The following KCNAB1 variants were observed in gnomAD, a reference collection of about 807,000 sequenced individuals.
KCNAB1 encodes the protein voltage-gated potassium channel subunit beta-1.
A neutral mutation model predicts 64.6 loss-of-function variants in KCNAB1; 35 were observed. The observed-to-expected ratio is 0.54, with a 90% confidence interval of 0.41 to 0.72. The LOEUF (loss-of-function observed/expected upper bound fraction) is 0.72. Among genes scored for constraint, KCNAB1 ranks in the 30% least tolerant of loss-of-function variants. KCNAB1 has a pLI of 0.00. For missense variants in KCNAB1, 401 were observed against 512.9 expected (o/e 0.78, Z 2.11); for synonymous variants, 177 against 183.8 (o/e 0.96, Z 0.30).
At chr3:156,460,110 G>C in intron 5 of KCNAB1, 2 of 433,858 alleles carry the variant, frequency 4.6e-6, no homozygotes, top group Non-Finnish European at 8.1e-6. Flanking sequence ...AGAAGGGGGG[G>C]ATGTTCATGA....
intron 1 of KCNAB1, among the ~76,000 whole-genome samples, chr3:156,336,946 A>G (rs1257765404): frequency 4.6e-5 from 7 of 152,262 alleles, no homozygotes; most frequent in Admixed American, 4.6e-4. Context: ...TTGAAGTGCA[A>G]GGACTAGACA....
intron 1 of KCNAB1, among the ~76,000 whole-genome samples, chr3:156,173,796 A>G (rs560661857): frequency 1.8e-4 from 27 of 152,236 alleles, no homozygotes; most frequent in Non-Finnish European, 3.2e-4. Context: ...TGAGATCAGC[A>G]TTTGTACCAG....
chr3:156,426,560 A>G (rs995141188), intron 2 of KCNAB1, among the ~76,000 whole-genome samples: 20 of 152,336 alleles, frequency 1.3e-4, no homozygotes, highest in African/African-American at 4.8e-4. Context: ...ATATATAATG[A>G]CTTGTATCTA....
At chr3:156,351,647 C>T (rs1430705157) in intron 1 of KCNAB1, among the ~76,000 whole-genome samples, 1 of 152,246 alleles carries the variant, frequency 6.6e-6, no homozygotes, top group Non-Finnish European at 1.5e-5. Context: ...TCCACTCAGT[C>T]GCTAAGTCTC....
intron 2 of KCNAB1, among the ~76,000 whole-genome samples, chr3:156,435,278 G>T (rs997110788): frequency 1.3e-5 from 2 of 152,208 alleles, no homozygotes; most frequent in African/African-American, 4.8e-5. Flanking sequence ...ACTATTACCT[G>T]CTGAGGTTAA....
At chr3:156,484,907 G>C (rs551287976) in intron 8 of KCNAB1, among the ~76,000 whole-genome samples, 1 of 152,078 alleles carries the variant, frequency 6.6e-6, no homozygotes, top group Non-Finnish European at 1.5e-5. Context: ...TTAGTCTTAG[G>C]TATATAAACT....
At chr3:156,344,453 TG>T (rs952511683) in intron 1 of KCNAB1, among the ~76,000 whole-genome samples, 3 of 152,164 alleles carry the variant, frequency 2.0e-5, no homozygotes, top group Non-Finnish European at 4.4e-5. Context: ...TTAACATTCT[TG>T]CCATGTGTGC....
chr3:156,279,483 G>C (rs1719560834), intron 1 of KCNAB1, among the ~76,000 whole-genome samples: 1 of 152,176 alleles, frequency 6.6e-6, no homozygotes, highest in African/African-American at 2.4e-5. Flanking sequence ...TATATACCCA[G>C]TAATGGGATG....
intron 2 of KCNAB1, chr3:156,441,517 G>A (rs979802665): frequency 2.0e-5 from 3 of 151,832 alleles, no homozygotes; most frequent in African/African-American, 4.8e-5. Flanking sequence ...AATAATTCGC[G>A]GGGAAAAAAA....
chr3:156,159,071 GC>G lies in KCNAB1; in HGVS notation c.275+38193del, dbSNP rs975324268. The stretch of plus-strand genomic sequence containing the variant: ...ATGGCGAGGCAACCTACATATGTCC[GC>G]CCCCCCCTGTAATAATTGAGTCTGG... On this transcript the variant is annotated intron_variant, in intron 1 of 13. Transcript: ENST00000490337. Among the ~76,000 whole-genome samples the G allele has an allele frequency of 3.8e-3, 566 of 150,880 alleles. 3 individuals are homozygous for G. Among genetic ancestry groups the G allele is most frequent in the African/African-American group, 0.013 (526 of 40,666 alleles).
At chr3:156,179,619 G>C (rs1712668353) in intron 1 of KCNAB1, among the ~76,000 whole-genome samples, 1 of 152,116 alleles carries the variant, frequency 6.6e-6, no homozygotes, top group Admixed American at 6.5e-5. Flanking sequence ...ACCTTTGCAT[G>C]AAATGACTCT....
At chr3:156,326,774 C>G (rs192313248) in intron 1 of KCNAB1, among the ~76,000 whole-genome samples, 170 of 152,236 alleles carry the variant, frequency 1.1e-3, no homozygotes, top group Non-Finnish European at 1.5e-3. Context: ...ATTTCCTCCT[C>G]CTTGAGATCT....
At chr3:156,474,679 T>G (rs1220165914) in intron 7 of KCNAB1, 55 bp from the exon 8 acceptor site, 5 of 1,306,476 alleles carry the variant, frequency 3.8e-6, no homozygotes, top group Admixed American at 1.7e-5. Flanking sequence ...AAACTTCAAC[T>G]CTGAATAGTG....
At chr3:156,398,590 C>CA (rs767338912) in intron 1 of KCNAB1, among the ~76,000 whole-genome samples, 26,725 of 76,462 alleles carry the variant, frequency 0.35, 4,159 homozygotes, top group African/African-American at 0.47. Flanking sequence ...GACTCCGTCT[C>CA]AAAAAAAAAA....
chr3:156,386,067 G>T (rs1712564641), intron 1 of KCNAB1, among the ~76,000 whole-genome samples: 1 of 152,152 alleles, frequency 6.6e-6, no homozygotes, highest in African/African-American at 2.4e-5. Context: ...CTCAATTCTT[G>T]CCTCCTCAGA....
chr3:156,318,248 C>G (rs1207177854), intron 1 of KCNAB1, among the ~76,000 whole-genome samples: 1 of 152,140 alleles, frequency 6.6e-6, no homozygotes, highest in Non-Finnish European at 1.5e-5. Context: ...CTATAACATA[C>G]TTGAAAATAC....
At chr3:156,520,296 A>G (rs543299690) in intron 11 of KCNAB1, among the ~76,000 whole-genome samples, 3 of 152,318 alleles carry the variant, frequency 2.0e-5, no homozygotes, top group Admixed American at 6.5e-5. Context: ...TAGAAAAATT[A>G]TAGGCCAGGT....
chr3:156,421,640 A>G lies in KCNAB1; in HGVS notation c.300A>G (p.Arg100=). Reference sequence around the variant, plus strand: ...GGAATCTTGGAAAATCAGGACTCAGAGTTTCTTGCTTGGGTCTTGGTAAGT... The same window carrying G: ...GGAATCTTGGAAAATCAGGACTCAGGGTTTCTTGCTTGGGTCTTGGTAAGT... ...PHRNLGKSGL[R]VSCLGLGTWV... The change falls in exon 2 of 14, where the codon AGA becomes AGG. Residue 100 remains arginine (R), a synonymous_variant. Coordinates refer to ENST00000490337, the MANE Select transcript of KCNAB1 (RefSeq NM_172160.3). 1 of 1,613,798 alleles carries G rather than the reference A, an allele frequency of 6.2e-7. No individual in the cohort carries two copies. The highest frequency in any genetic ancestry group is 8.5e-7 in the Non-Finnish European group (1 of 1,179,866).
At chr3:156,443,317 G>A (rs1485018987) in intron 2 of KCNAB1, among the ~76,000 whole-genome samples, 1 of 152,120 alleles carries the variant, frequency 6.6e-6, no homozygotes, top group Non-Finnish European at 1.5e-5. Flanking sequence ...GAAGAACATG[G>A]GCAGATTGTA....
Sources: allele counts gnomAD v4.1 joint callset (sites outside exome capture counted in the v4.1 genomes callset), GRCh38; gene constraint gnomAD v4.1.1; transcripts MANE v1.5; gene names NCBI Gene and HGNC (gene_info 2026-07-23, HGNC 2026-07-21).